The following SPPL2A variants were observed in gnomAD, a reference collection of about 807,000 sequenced individuals.
SPPL2A encodes the protein signal peptide peptidase like 2A.
In SPPL2A, 51 loss-of-function variants were observed where a neutral mutation model predicts 63.8. That is an observed-to-expected ratio of 0.80 (90% CI 0.64 to 1.01). SPPL2A has a LOEUF of 1.01. Ranked by LOEUF, SPPL2A falls within the 50% of genes least tolerant of loss-of-function variation. SPPL2A has a pLI of 0.00. For missense variants in SPPL2A, 553 were observed against 622.7 expected, an observed-to-expected ratio of 0.89 and a Z score of 1.19; for synonymous variants, 188 against 205.8, an observed-to-expected ratio of 0.91 and a Z score of 0.74.
intron 10 of SPPL2A, among the ~76,000 whole-genome samples, chr15:50,726,910 C>A (rs901535698): frequency 4.6e-5 from 7 of 152,214 alleles, no homozygotes; most frequent in African/African-American, 1.7e-4. Flanking sequence ...AAAGACCCAA[C>A]CCTATAGAAT....
At chr15:50,721,001 A>C (rs762454269) in intron 13 of SPPL2A, among the ~76,000 whole-genome samples, 6 of 152,110 alleles carry the variant, frequency 3.9e-5, no homozygotes, top group African/African-American at 7.2e-5. Context: ...TTTGGATACT[A>C]ATATGTTAAA....
rs1023178420 is a variant in SPPL2A at position 50,736,544 on chromosome 15, T to C, written c.830+100A>G. ...TAAATTTAAACACCTGTAGGTCCAATGTATATTGGACTATATAGGTTTCAA... is the reference window on the plus strand; with the variant it reads ...TAAATTTAAACACCTGTAGGTCCAACGTATATTGGACTATATAGGTTTCAA... On this transcript the variant is annotated intron_variant, in intron 7 of 14. Coordinates refer to ENST00000261854, the MANE Select transcript of SPPL2A (RefSeq NM_032802.4). The C allele has an allele frequency of 4.9e-5, 31 of 633,720 alleles. 1 individual carries two copies. In the East Asian group the frequency reaches 7.7e-4, roughly 16 times the overall value. The allele number at this position is 633,720 out of a possible 1,614,324, so 39.3% of individuals were successfully genotyped here. A position where few individuals can be genotyped will look rare whatever the true frequency, so the allele number is the denominator to read the frequency against.
chr15:50,708,928 T>C (rs990327770), intron 14 of SPPL2A, among the ~76,000 whole-genome samples: 2 of 151,642 alleles, frequency 1.3e-5, no homozygotes, highest in Admixed American at 6.6e-5. Context: ...TCCCAGCTAA[T>C]TGGGAGGTTG....
At chr15:50,755,494 A>T (rs1394679994) in intron 1 of SPPL2A, among the ~76,000 whole-genome samples, 1 of 151,532 alleles carries the variant, frequency 6.6e-6, no homozygotes, top group Non-Finnish European at 1.5e-5. Context: ...ACAGGCGTGT[A>T]CCTATAGTCT....
chr15:50,747,679 T>C (rs754943121), intron 4 of SPPL2A, 51 bp from the exon 5 acceptor site: 14 of 1,363,218 alleles, frequency 1.0e-5, no homozygotes, highest in Non-Finnish European at 1.4e-5. Flanking sequence ...CTTTCTACTA[T>C]AGTCATAACA....
chr15:50,749,755 C>T lies in SPPL2A; in HGVS notation c.67-9G>A. On this transcript the variant is annotated splice_polypyrimidine_tract_variant and intron_variant, in intron 1 of 14. Transcript: ENST00000261854. ...GCTTCCTGAGCGGCTGTCTAGGAGA[C>T]AAACAATAACTTTCAAACTTGCAAT... The T allele has an allele frequency of 6.4e-7, 1 of 1,567,066 alleles. No individual in the cohort carries two copies. The highest frequency in any genetic ancestry group is 8.8e-7 in the Non-Finnish European group (1 of 1,137,328).
Position 50,746,074 on chromosome 15 carries a change from A to G in SPPL2A, c.584+1421T>C, listed in dbSNP as rs142303467. Among the ~76,000 whole-genome samples, 279 of 151,918 alleles carry G rather than the reference A, an allele frequency of 1.8e-3. 1 individual carries two copies. The highest frequency in any genetic ancestry group is 6.4e-3 in the African/African-American group (266 of 41,492). ...TCAAAAAAATATATATAAATATATA[A>G]TTTTTAATGTGAGAAATCCTAAAAT... On this transcript the variant is annotated intron_variant, in intron 5 of 14. Transcript: ENST00000261854.
chr15:50,735,332 T>C (rs1363715833), intron 8 of SPPL2A, among the ~76,000 whole-genome samples: 14 of 152,142 alleles, frequency 9.2e-5, no homozygotes, highest in Non-Finnish European at 2.9e-5. Context: ...TATAACGTAA[T>C]GTATTCACCC....
At chr15:50,709,152 A>G (rs62018762) in intron 14 of SPPL2A, among the ~76,000 whole-genome samples, 3,365 of 152,316 alleles carry the variant, frequency 0.022, 53 homozygotes, top group Middle Eastern at 0.1. Flanking sequence ...AAACTGTTTA[A>G]ATGCTTTCAG....
intron 10 of SPPL2A, among the ~76,000 whole-genome samples, chr15:50,728,366 C>T (rs1026934554): frequency 3.3e-5 from 5 of 152,224 alleles, no homozygotes; most frequent in Middle Eastern, 3.4e-3. Flanking sequence ...ATTTTTGAGA[C>T]GGAGTCTCAC....
Position 50,736,673 on chromosome 15 carries a change from T to C in SPPL2A, c.801A>G (p.Leu267=), listed in dbSNP as rs748329428. 1.9e-6 allele frequency: 3 copies of C among 1,603,630 alleles called. No homozygotes were observed. In the Admixed American group the frequency reaches 5.0e-5, roughly 27 times the overall value. ...AMSLYNCLAA[L]IHKIPYGQCT... Reference sequence around the variant, plus strand: ...ATTGTCCATATGGTATCTTATGAATTAGTGCAGCAAGACAGTTGTACAGAC... The same window carrying C: ...ATTGTCCATATGGTATCTTATGAATCAGTGCAGCAAGACAGTTGTACAGAC... Residue 267 remains leucine (L), a synonymous_variant, in exon 7 of 15, where the codon CTA becomes CTG. Transcript: ENST00000261854.
At chr15:50,708,937 T>G (rs1419417430) in intron 14 of SPPL2A, among the ~76,000 whole-genome samples, 1 of 151,340 alleles carries the variant, frequency 6.6e-6, no homozygotes, top group Non-Finnish European at 1.5e-5. Context: ...ATTGGGAGGT[T>G]GAGGCAGGAG....
At chr15:50,759,449 A>C (rs1231541594) in intron 1 of SPPL2A, among the ~76,000 whole-genome samples, 1 of 152,032 alleles carries the variant, frequency 6.6e-6, no homozygotes, top group African/African-American at 2.4e-5. Context: ...ATATTACATT[A>C]ATAAGAAAAA....
intron 12 of SPPL2A, among the ~76,000 whole-genome samples, chr15:50,723,228 C>G (rs2141027807): frequency 6.6e-6 from 1 of 152,224 alleles, no homozygotes; most frequent in East Asian, 1.9e-4. Context: ...TTAGTGTAGC[C>G]ATTATGGAAA....
chr15:50,757,089 C>CTTTCTTTTTTTTTT lies in SPPL2A; in HGVS notation c.67-7344_67-7343insAAAAAAAAAAGAAA, dbSNP rs537107994. ...GTTCCTCCCACATCCTAAATCCTTT[C>CTTTCTTTTTTTTTT]TTTTTTTTTTTGAGACAGAGTCTCA... On this transcript the variant is annotated intron_variant, in intron 1 of 14. Coordinates refer to ENST00000261854, the MANE Select transcript of SPPL2A (RefSeq NM_032802.4). 1.4e-3 allele frequency among the ~76,000 whole-genome samples: 181 copies of CTTTCTTTTTTTTTT among 128,366 alleles called. 4 individuals are homozygous for CTTTCTTTTTTTTTT. The highest frequency in any genetic ancestry group is 5.2e-3 in the African/African-American group (169 of 32,686). The allele number at this position is 128,366 out of a possible 152,430, so 84.2% of individuals were successfully genotyped here.
intron 1 of SPPL2A, among the ~76,000 whole-genome samples, chr15:50,755,535 T>C (rs1160491291): frequency 2.1e-5 from 3 of 145,772 alleles, no homozygotes; most frequent in Non-Finnish European, 4.5e-5. Context: ...GTGAAAGGAT[T>C]GCTTGAGGCT....
Position 50,720,075 on chromosome 15 carries a change from T to C in SPPL2A, c.1353A>G (p.Thr451=), listed in dbSNP as rs779969362. 2.5e-6 allele frequency: 4 copies of C among 1,613,062 alleles called. No individual in the cohort carries two copies. The highest frequency in any genetic ancestry group is 2.5e-6 in the Non-Finnish European group (3 of 1,179,758). Residue 451 remains threonine, a synonymous_variant, in exon 14 of 15, where the codon ACA becomes ACG. Coordinates refer to ENST00000261854, the MANE Select transcript of SPPL2A (RefSeq NM_032802.4). ...TVAYAIGMIL[T]FVVLVLMKKG... ...TTTTCATCAGCACCAGAACAACAAA[T>C]GTAAGTATCATGCCAATAGCATAGG...
intron 1 of SPPL2A, among the ~76,000 whole-genome samples, chr15:50,753,335 G>A (rs1377925760): frequency 6.6e-6 from 1 of 152,182 alleles, no homozygotes; most frequent in Non-Finnish European, 1.5e-5. Flanking sequence ...TTTTGTGAGG[G>A]AGCCAGCATG....
chr15:50,725,137 G>C (rs953302940), intron 12 of SPPL2A, 84 bp downstream of exon 12: 4 of 839,536 alleles, frequency 4.8e-6, no homozygotes, highest in African/African-American at 1.7e-5. Context: ...TACAGAGTAG[G>C]TAACTTTTAA....
Sources: allele counts gnomAD v4.1 joint callset (sites outside exome capture counted in the v4.1 genomes callset), GRCh38; gene constraint gnomAD v4.1.1; transcripts MANE v1.5; gene names NCBI Gene and HGNC (gene_info 2026-07-23, HGNC 2026-07-21).